The following IMMP2L variants were observed in gnomAD, a reference collection of about 807,000 sequenced individuals.
IMMP2L encodes mitochondrial inner membrane protease subunit 2.
In IMMP2L, 18 loss-of-function variants were observed where a neutral mutation model predicts 19.3. That is an observed-to-expected ratio of 0.93 (90% CI 0.64 to 1.38). The LOEUF (loss-of-function observed/expected upper bound fraction) is 1.38. Among genes scored for constraint, IMMP2L ranks in the 40% most tolerant of loss-of-function variants. The pLI is 0.00. For synonymous variants in IMMP2L, 76 were observed against 73.0 expected (o/e 1.04, Z -0.21); for missense variants, 233 against 218.2 (o/e 1.07, Z -0.43).
rs145276280 is a variant in IMMP2L at position 111,414,115 on chromosome 7, G to T, written c.239+73123C>A. On this transcript the variant is annotated intron_variant, in intron 3 of 5. Coordinates refer to ENST00000405709, the MANE Select transcript of IMMP2L (RefSeq NM_032549.4). ...AGTGAACTTGACCCCCTCCTCAGGG[G>T]CTGGCTCACTTCCACCACATACCAC... Among the ~76,000 whole-genome samples the T allele has an allele frequency of 1.8e-4, 27 of 151,818 alleles. 1 individual carries two copies. In the East Asian group the frequency reaches 5.2e-3, roughly 29 times the overall value.
intron 3 of IMMP2L, among the ~76,000 whole-genome samples, chr7:111,117,603 A>G (rs1199157455): frequency 6.6e-6 from 1 of 152,104 alleles, no homozygotes; most frequent in African/African-American, 2.4e-5. Context: ...AGGAAAATAG[A>G]ACAGTCTTTT....
chr7:111,552,075 T>G (rs1790732948), intron 1 of IMMP2L, among the ~76,000 whole-genome samples: 1 of 152,088 alleles, frequency 6.6e-6, no homozygotes, highest in Non-Finnish European at 1.5e-5. Flanking sequence ...AATGTACTAC[T>G]TCTACACCAG....
intron 2 of IMMP2L, among the ~76,000 whole-genome samples, chr7:111,510,324 T>A (rs374152001): frequency 6.6e-6 from 1 of 152,200 alleles, no homozygotes; most frequent in African/African-American, 2.4e-5. Flanking sequence ...ACATCTACCA[T>A]CCCCTGCGGC....
intron 3 of IMMP2L, among the ~76,000 whole-genome samples, chr7:111,299,121 T>C (rs1821939964): frequency 1.3e-5 from 2 of 152,088 alleles, no homozygotes; most frequent in Non-Finnish European, 2.9e-5. Context: ...CATTGAGACT[T>C]AAGAAAAAGA....
At chr7:111,327,454 G>A (rs1273768287) in intron 3 of IMMP2L, among the ~76,000 whole-genome samples, 2 of 151,626 alleles carry the variant, frequency 1.3e-5, no homozygotes, top group Admixed American at 6.6e-5. Context: ...TCCCTTTGCT[G>A]CATGTCTCTA....
intron 3 of IMMP2L, among the ~76,000 whole-genome samples, chr7:111,010,994 C>T (rs373323399): frequency 3.3e-5 from 5 of 151,280 alleles, no homozygotes; most frequent in East Asian, 3.9e-4. Context: ...CCCCAGCATG[C>T]GATGAGTCAG....
chr7:110,730,559 C>A (rs969496537), intron 5 of IMMP2L, among the ~76,000 whole-genome samples: 4 of 149,924 alleles, frequency 2.7e-5, no homozygotes, highest in Admixed American at 2.0e-4. Context: ...GACGGAGTCT[C>A]GCTCTGTTGC....
chr7:111,301,146 G>A (rs1350176341), intron 3 of IMMP2L, among the ~76,000 whole-genome samples: 1 of 152,076 alleles, frequency 6.6e-6, no homozygotes, highest in Non-Finnish European at 1.5e-5. Flanking sequence ...TCTGATAGGT[G>A]TGTAGTAATA....
chr7:110,969,788 C>T (rs1819948095), intron 3 of IMMP2L, among the ~76,000 whole-genome samples: 2 of 152,084 alleles, frequency 1.3e-5, no homozygotes, highest in African/African-American at 4.8e-5. Context: ...AGAGCATACC[C>T]TACCTGAATC....
intron 3 of IMMP2L, among the ~76,000 whole-genome samples, chr7:111,415,720 G>T (rs893374100): frequency 6.6e-6 from 1 of 151,688 alleles, no homozygotes; most frequent in African/African-American, 2.4e-5. Context: ...TTACACACCT[G>T]AGAATAAAAT....
chr7:111,434,536 T>C (rs1352821985), intron 3 of IMMP2L, among the ~76,000 whole-genome samples: 2 of 151,476 alleles, frequency 1.3e-5, no homozygotes, highest in Admixed American at 1.3e-4. Context: ...GTCTTGTTTG[T>C]TTTTTGTTTT....
At chr7:110,714,153 T>C (rs771156997) in intron 5 of IMMP2L, among the ~76,000 whole-genome samples, 12 of 152,238 alleles carry the variant, frequency 7.9e-5, no homozygotes, top group Non-Finnish European at 1.2e-4. Flanking sequence ...TTGGATTTTA[T>C]TGAAGGCTTT....
chr7:110,884,995 T>C (rs111709755), intron 5 of IMMP2L, among the ~76,000 whole-genome samples: 2,267 of 151,948 alleles, frequency 0.015, 50 homozygotes, highest in African/African-American at 0.052. Context: ...ACAGCAGGAG[T>C]GTGCCCTCAT....
chr7:110,701,103 T>C (rs899059308), intron 5 of IMMP2L, among the ~76,000 whole-genome samples: 10 of 152,212 alleles, frequency 6.6e-5, no homozygotes, highest in African/African-American at 2.4e-4. Context: ...ACTTCTGTTA[T>C]ACATGAGGCG....
At chr7:110,814,371 T>C (rs1321948128) in intron 5 of IMMP2L, among the ~76,000 whole-genome samples, 6 of 151,616 alleles carry the variant, frequency 4.0e-5, no homozygotes, top group African/African-American at 9.7e-5. Flanking sequence ...CTGAAGAGCA[T>C]TGTTCTCTAT....
At chr7:111,490,461 C>G (rs912921135) in intron 2 of IMMP2L, among the ~76,000 whole-genome samples, 1 of 151,412 alleles carries the variant, frequency 6.6e-6, no homozygotes, top group Non-Finnish European at 1.5e-5. Context: ...TCCCAGTCAA[C>G]CAGTTTAAAA....
intron 5 of IMMP2L, among the ~76,000 whole-genome samples, chr7:110,881,373 TG>T (rs1809614401): frequency 6.6e-6 from 1 of 152,178 alleles, no homozygotes; most frequent in African/African-American, 2.4e-5. Context: ...ATGGGAACCA[TG>T]AGAAACATTT....
At chr7:110,716,232 T>G (rs1042274407) in intron 5 of IMMP2L, among the ~76,000 whole-genome samples, 2 of 151,550 alleles carry the variant, frequency 1.3e-5, no homozygotes, top group African/African-American at 4.9e-5. Context: ...GGATGGATGG[T>G]TTTTCTTTTC....
At chr7:111,402,569 G>A (rs994397921) in intron 3 of IMMP2L, among the ~76,000 whole-genome samples, 3 of 151,902 alleles carry the variant, frequency 2.0e-5, no homozygotes, top group African/African-American at 7.3e-5. Flanking sequence ...AAATTAGCCA[G>A]GCGCAGTAGC....
Sources: allele counts gnomAD v4.1 joint callset (sites outside exome capture counted in the v4.1 genomes callset), GRCh38; gene constraint gnomAD v4.1.1; transcripts MANE v1.5; gene names NCBI Gene and HGNC (gene_info 2026-07-23, HGNC 2026-07-21).